Variants in SUMF1 observed in about 807,000 individuals in gnomAD.
SUMF1 encodes the protein formylglycine-generating enzyme.
SUMF1 carries 48 observed loss-of-function variants against 47.6 expected under a neutral mutation model. The observed-to-expected ratio is 1.01, with a 90% CI of 0.80 to 1.28. The LOEUF is 1.28. Ranked by LOEUF, SUMF1 falls within the 50% of genes most tolerant of loss-of-function variation. The probability of loss-of-function intolerance (pLI) is 0.00; values close to 1 mark genes in which losing one functional copy is unlikely to be tolerated. For missense variants in SUMF1, 571 were observed against 485.4 expected (o/e 1.18, Z -1.66); for synonymous variants, 230 against 192.1 (o/e 1.20, Z -1.63).
At chr3:4,037,425 G>A (rs988168530) in intron 9 of SUMF1, among the ~76,000 whole-genome samples, 6 of 151,938 alleles carry the variant, frequency 3.9e-5, no homozygotes, top group Admixed American at 2.0e-4. Flanking sequence ...CCAATACATC[G>A]GAATAAAATT....
At chr3:4,353,109 A>G (rs897990835) in intron 8 of SUMF1, among the ~76,000 whole-genome samples, 2 of 152,216 alleles carry the variant, frequency 1.3e-5, no homozygotes, top group African/African-American at 4.8e-5. Context: ...TGAACATATT[A>G]AAAGATTGAC....
intron 8 of SUMF1, among the ~76,000 whole-genome samples, chr3:4,143,654 A>G (rs1240823921): frequency 6.6e-6 from 1 of 152,166 alleles, no homozygotes; most frequent in African/African-American, 2.4e-5. Flanking sequence ...TTGAGAATGT[A>G]CAGAGAAAGG....
intron 8 of SUMF1, among the ~76,000 whole-genome samples, chr3:4,168,083 G>C (rs1426645179): frequency 6.6e-6 from 1 of 152,116 alleles, no homozygotes; most frequent in Non-Finnish European, 1.5e-5. Flanking sequence ...ACCCAATACA[G>C]AGCCTCTATT....
At chr3:4,072,958 ACATT>A (rs1692316941) in intron 8 of SUMF1, among the ~76,000 whole-genome samples, 1 of 152,226 alleles carries the variant, frequency 6.6e-6, no homozygotes, top group Non-Finnish European at 1.5e-5. Context: ...AGGGAGGCCA[ACATT>A]CAAATTCAGG....
intron 6 of SUMF1, 39 bp from the exon 7 acceptor site, chr3:4,411,017 A>C: frequency 6.5e-7 from 1 of 1,534,172 alleles, no homozygotes; most frequent in East Asian, 2.2e-5. Flanking sequence ...CAAACTATTC[A>C]CCTGGTTTAA....
chr3:4,404,229 T>C (rs1701304277), intron 7 of SUMF1, among the ~76,000 whole-genome samples: 1 of 152,206 alleles, frequency 6.6e-6, no homozygotes, highest in Non-Finnish European at 1.5e-5. Context: ...CCAGAAGACA[T>C]TCATCTTCCA....
chr3:4,424,696 T>C (rs1008288564), intron 3 of SUMF1, among the ~76,000 whole-genome samples: 1 of 152,332 alleles, frequency 6.6e-6, no homozygotes. Flanking sequence ...ATGAAAATAA[T>C]ATACTGTCAT....
chr3:4,045,332 C>T (rs1001995438), intron 9 of SUMF1, among the ~76,000 whole-genome samples: 2 of 151,858 alleles, frequency 1.3e-5, no homozygotes, highest in Admixed American at 6.6e-5. Context: ...ACCTAGCGGC[C>T]CCCAGTTGTG....
At chr3:4,245,032 C>A (rs1226139889) in intron 8 of SUMF1, among the ~76,000 whole-genome samples, 1 of 151,848 alleles carries the variant, frequency 6.6e-6, no homozygotes, top group East Asian at 1.9e-4. Flanking sequence ...ATGGTGTTGG[C>A]TACTGAAGCT....
chr3:4,097,595 T>G (rs1435450947), intron 8 of SUMF1, among the ~76,000 whole-genome samples: 1 of 152,082 alleles, frequency 6.6e-6, no homozygotes, highest in African/African-American at 2.4e-5. Context: ...TGGTTTATAT[T>G]AAAAATTCAT....
At chr3:4,064,867 T>TCAAGC (rs1695342753) in intron 9 of SUMF1, among the ~76,000 whole-genome samples, 1 of 152,186 alleles carries the variant, frequency 6.6e-6, no homozygotes, top group Non-Finnish European at 1.5e-5. Flanking sequence ...GATAATTTCT[T>TCAAGC]CAAGCTGTGT....
intron 8 of SUMF1, among the ~76,000 whole-genome samples, chr3:4,266,271 T>G (rs1174485052): frequency 6.6e-6 from 1 of 152,186 alleles, no homozygotes; most frequent in African/African-American, 2.4e-5. Context: ...GTGAAGAAAG[T>G]CATTGGTAGC....
At chr3:4,219,007 C>G (rs1696003535) in intron 8 of SUMF1, among the ~76,000 whole-genome samples, 1 of 152,098 alleles carries the variant, frequency 6.6e-6, no homozygotes, top group South Asian at 2.1e-4. Flanking sequence ...ACTGGGTAAT[C>G]AAAAACATTC....
At chr3:4,106,646 C>T (rs17039911) in intron 8 of SUMF1, among the ~76,000 whole-genome samples, 22,502 of 151,940 alleles carry the variant, frequency 0.15, 3,588 homozygotes, top group African/African-American at 0.39. Flanking sequence ...AAGTAGAAGC[C>T]GAATAATCCA....
intron 9 of SUMF1, among the ~76,000 whole-genome samples, chr3:4,061,675 G>T (rs1375328106): frequency 6.6e-6 from 1 of 152,038 alleles, no homozygotes; most frequent in Admixed American, 6.6e-5. Flanking sequence ...TGGGGTGGTG[G>T]GGGACACATA....
At chr3:4,317,423 C>A (rs938456162) in intron 8 of SUMF1, 262 of 572,998 alleles carry the variant, frequency 4.6e-4, no homozygotes, top group South Asian at 1.7e-4. Flanking sequence ...TGGCTTACAA[C>A]TGTAATCCCA....
intron 9 of SUMF1, among the ~76,000 whole-genome samples, chr3:4,043,997 C>T (rs1694961686): frequency 1.7e-5 from 2 of 120,012 alleles, no homozygotes; most frequent in African/African-American, 3.1e-5. Context: ...AATTCAGTGG[C>T]CCAATACTAT....
chr3:4,072,865 T>C (rs1478203034), intron 8 of SUMF1, among the ~76,000 whole-genome samples: 1 of 152,206 alleles, frequency 6.6e-6, no homozygotes, highest in Non-Finnish European at 1.5e-5. Flanking sequence ...TTGACTGGTG[T>C]ACCTGAAAGG....
chr3:4,189,208 C>A (rs1158848546), intron 8 of SUMF1, among the ~76,000 whole-genome samples: 1 of 152,066 alleles, frequency 6.6e-6, no homozygotes, highest in South Asian at 2.1e-4. Context: ...CAGGACAGAA[C>A]AGGAAAGCCT....
Sources: allele counts gnomAD v4.1 joint callset (sites outside exome capture counted in the v4.1 genomes callset), GRCh38; gene constraint gnomAD v4.1.1; transcripts MANE v1.5; gene names NCBI Gene and HGNC (gene_info 2026-07-23, HGNC 2026-07-21).